DPF3: variants seen among roughly 807,000 people sequenced by gnomAD.
DPF3 encodes double PHD fingers 3, also known as zinc finger protein DPF3.
DPF3 carries 18 observed loss-of-function variants against 56.8 expected under a neutral mutation model. The ratio of observed to expected loss-of-function variants is 0.32; its 90% confidence interval spans 0.22 to 0.47. The LOEUF (loss-of-function observed/expected upper bound fraction) is 0.47. Among genes scored for constraint, DPF3 ranks in the 20% least tolerant of loss-of-function variants. The probability of loss-of-function intolerance (pLI) is 1.00; values close to 1 mark genes in which losing one functional copy is unlikely to be tolerated. For synonymous variants in DPF3, 188 were observed against 180.2 expected (o/e 1.04, Z -0.35); for missense variants, 403 against 488.8 (o/e 0.82, Z 1.65).
At chr14:72,771,692 G>C (rs370362879) in intron 2 of DPF3, 41 bp downstream of exon 2, 1 of 1,580,834 alleles carries the variant, frequency 6.3e-7, no homozygotes, top group Admixed American at 1.7e-5. Flanking sequence ...TCCAGGCTGG[G>C]AGCCTGCACA....
rs191684535 is a variant in DPF3 at position 72,763,110 on chromosome 14, T to C, written c.193+8623A>G. On this transcript the variant is annotated intron_variant, in intron 2 of 10. Coordinates refer to ENST00000556509, the MANE Select transcript of DPF3 (RefSeq NM_001280542.3). ...TTGATGAGAAAAATTAAAGAAGATA[T>C]TAATAAATTGAAAGATATGCCATAT... 2.2e-4 allele frequency among the ~76,000 whole-genome samples: 34 copies of C among 152,026 alleles called. 2 individuals carry two copies. The highest frequency in any genetic ancestry group is 4.0e-4 in the Non-Finnish European group (27 of 67,874).
chr14:72,788,381 C>T (rs773745482), intron 1 of DPF3, among the ~76,000 whole-genome samples: 5 of 151,640 alleles, frequency 3.3e-5, no homozygotes, highest in African/African-American at 4.9e-5. Flanking sequence ...GGCAGGGCAG[C>T]GGACCAGAGG....
In DPF3 at chr14:72,892,741, GC is replaced by G. The variant is rs1886802931; in HGVS notation, c.32+1315del. On this transcript the variant is annotated intron_variant, in intron 1 of 10. Coordinates refer to ENST00000556509, the MANE Select transcript of DPF3 (RefSeq NM_001280542.3). ...CCCCACCCGACCTGCACCTCCCTCT[GC>G]CACTTCGCCTGCGGCTTCGTCCGGG... The G allele has an allele frequency of 3.1e-6, 3 of 974,734 alleles. No homozygotes were observed. In the South Asian group the frequency reaches 1.4e-4, roughly 45 times the overall value. The allele number at this position is 974,734 out of a possible 1,614,324, so 60.4% of individuals were successfully genotyped here. A position where few individuals can be genotyped will look rare whatever the true frequency, so the allele number is the denominator to read the frequency against.
intron 6 of DPF3, among the ~76,000 whole-genome samples, chr14:72,701,877 C>T (rs1888178322): frequency 6.6e-6 from 1 of 152,178 alleles, no homozygotes; most frequent in African/African-American, 2.4e-5. Context: ...ACCCTGAGGA[C>T]ACCGCTTCCT....
intron 8 of DPF3, among the ~76,000 whole-genome samples, chr14:72,636,508 T>TC (rs1292567066): frequency 9.2e-5 from 14 of 152,254 alleles, no homozygotes; most frequent in African/African-American, 3.1e-4. Context: ...TTCATGCTCC[T>TC]CCACTTTGAG....
At chr14:72,660,232 G>GA (rs544252738) in intron 8 of DPF3, among the ~76,000 whole-genome samples, 226 of 147,614 alleles carry the variant, frequency 1.5e-3, no homozygotes, top group South Asian at 5.6e-3. Flanking sequence ...CAATAAAAAG[G>GA]AAAAAAAAAA....
intron 2 of DPF3, among the ~76,000 whole-genome samples, chr14:72,759,203 GAAGAA>G (rs1272517798): frequency 6.6e-6 from 1 of 151,864 alleles, no homozygotes; most frequent in Non-Finnish European, 1.5e-5. Context: ...AGATATTGCA[GAAGAA>G]AAGACAGATA....
chr14:72,892,602 C>A (rs1886796965), intron 1 of DPF3: 1 of 1,229,046 alleles, frequency 8.1e-7, no homozygotes, highest in Non-Finnish European at 1.0e-6. Context: ...TCCCCGGGAG[C>A]GAACCTGGTT....
Position 72,771,890 on chromosome 14 carries a change from G to A in DPF3, c.36C>T (p.Leu12=), listed in dbSNP as rs748266515. 36 of 1,579,624 alleles carry A rather than the reference G, an allele frequency of 2.3e-5. No homozygotes were observed. Among genetic ancestry groups the A allele is most frequent in the South Asian group, 1.4e-4 (12 of 86,142 alleles). ...ATVIHNPLKA[L]GDQFYKEAIE... ...TGGCTTCCTTGTAGAACTGGTCCCC[G>A]AGCCTGCCAGAGTCAGAGAGTGAAG... is the stretch of plus-strand genomic sequence containing the variant. The change falls in exon 2 of 11, where the codon CTC becomes CTT. Residue 12 remains leucine (L), a synonymous_variant. Coordinates refer to ENST00000556509, the MANE Select transcript of DPF3 (RefSeq NM_001280542.3).
chr14:72,872,417 T>G (rs893100911), intron 1 of DPF3, among the ~76,000 whole-genome samples: 4 of 152,208 alleles, frequency 2.6e-5, no homozygotes, highest in Non-Finnish European at 5.9e-5. Flanking sequence ...TATCACCTAG[T>G]CAGGCTGCAA....
intron 5 of DPF3, 37 bp from the exon 6 acceptor site, chr14:72,714,538 T>C (rs993671138): frequency 5.6e-6 from 9 of 1,611,150 alleles, no homozygotes; most frequent in Middle Eastern, 1.7e-4. Context: ...CTTGTTACCA[T>C]GGTCATCACT....
At chr14:72,661,403 A>G in intron 8 of DPF3, 2 of 985,392 alleles carry the variant, frequency 2.0e-6, no homozygotes, top group Non-Finnish European at 2.4e-6. Flanking sequence ...ACTGTGACTC[A>G]AGGACCTCTG....
chr14:72,726,060 T>C (rs759779744), intron 4 of DPF3, among the ~76,000 whole-genome samples: 8 of 152,080 alleles, frequency 5.3e-5, no homozygotes, highest in Admixed American at 1.3e-4. Flanking sequence ...ACAGTATAAG[T>C]CTCTTGAGTT....
At chr14:72,773,847 T>C in intron 1 of DPF3, 1 of 454,518 alleles carries the variant, frequency 2.2e-6, no homozygotes. Context: ...ATAATATTTT[T>C]TAAGTCAGAA....
At chr14:72,795,731 C>T (rs542736818) in intron 1 of DPF3, among the ~76,000 whole-genome samples, 2 of 152,188 alleles carry the variant, frequency 1.3e-5, no homozygotes, top group South Asian at 4.2e-4. Flanking sequence ...CGTCAGGGAG[C>T]CCCAGCAGAG....
chr14:72,782,227 AT>A (rs66977010), intron 1 of DPF3, among the ~76,000 whole-genome samples: 105,490 of 139,568 alleles, frequency 0.76, 39,644 homozygotes, highest in South Asian at 0.84. Context: ...AGCCCAAGTG[AT>A]TTTTTTTTTT....
intron 1 of DPF3, chr14:72,836,486 T>A: frequency 1.0e-6 from 1 of 985,554 alleles, no homozygotes; most frequent in Non-Finnish European, 1.2e-6. Flanking sequence ...GCAATGAAAC[T>A]AGGTCTTCCC....
At chr14:72,667,535 T>C (rs1599339415) in intron 8 of DPF3, among the ~76,000 whole-genome samples, 1 of 152,204 alleles carries the variant, frequency 6.6e-6, no homozygotes, top group East Asian at 1.9e-4. Context: ...TATTTTAAAT[T>C]TTGAGTAGTG....
chr14:72,835,093 TTTC>T (rs201398657), intron 1 of DPF3, among the ~76,000 whole-genome samples: 14,882 of 115,060 alleles, frequency 0.13, 869 homozygotes, highest in South Asian at 0.25. Flanking sequence ...GAATTTCTTT[TTTC>T]TTTTTCTGTC....
Sources: allele counts gnomAD v4.1 joint callset (sites outside exome capture counted in the v4.1 genomes callset), GRCh38; gene constraint gnomAD v4.1.1; transcripts MANE v1.5; gene names NCBI Gene and HGNC (gene_info 2026-07-23, HGNC 2026-07-21).